Variants in MSRA observed in about 807,000 individuals in gnomAD.
MSRA encodes mitochondrial peptide methionine sulfoxide reductase.
Under a neutral mutation model 31.3 loss-of-function variants are expected in MSRA, and 54 were observed. That is an observed-to-expected ratio of 1.73 (90% CI 1.39 to 2.17). The LOEUF (loss-of-function observed/expected upper bound fraction) is 2.17. Among genes scored for constraint, MSRA ranks in the 30% most tolerant of loss-of-function variants. The pLI, the probability that MSRA is intolerant of heterozygous loss-of-function variation, is 0.00. For missense variants in MSRA, 507 were observed against 300.9 expected, an observed-to-expected ratio of 1.69 and a Z score of -5.07; for synonymous variants, 169 against 116.5, an observed-to-expected ratio of 1.45 and a Z score of -2.90.
chr8:10,160,124 C>T (rs973628174), intron 1 of MSRA, among the ~76,000 whole-genome samples: 5 of 152,112 alleles, frequency 3.3e-5, no homozygotes, highest in Admixed American at 6.5e-5. Context: ...AAATTTCCCT[C>T]GGGCCACTTA....
chr8:10,354,271 A>C (rs891493137), intron 5 of MSRA, among the ~76,000 whole-genome samples: 1 of 152,192 alleles, frequency 6.6e-6, no homozygotes, highest in Non-Finnish European at 1.5e-5. Context: ...GTTGAATTAC[A>C]ATGCATCTGC....
rs528753270 is a variant in MSRA, at chr8:10,155,002, T to TTATATATATATATA, written c.143-52819_143-52818insTATATATATATATA. On this transcript the variant is annotated intron_variant, in intron 1 of 5. Transcript: ENST00000317173. ...AATAGTTTGATAATGTGTATATATT[T>TTATATATATATATA]TATATATATATAGGTTTTACCTTGC... is the stretch of plus-strand genomic sequence containing the variant. Among the ~76,000 whole-genome samples the TTATATATATATATA allele has an allele frequency of 6.5e-5, 8 of 123,984 alleles. 1 individual carries two copies. The highest frequency in any genetic ancestry group is 2.6e-4 in the African/African-American group (8 of 30,958). 81.3% of individuals were successfully genotyped at this position (123,984 alleles called of 152,430 possible).
intron 5 of MSRA, among the ~76,000 whole-genome samples, chr8:10,351,317 G>T (rs1804132226): frequency 7.6e-6 from 1 of 132,090 alleles, no homozygotes; most frequent in South Asian, 2.5e-4. Flanking sequence ...GCAGTGGCGT[G>T]ATCTTGGCTC....
At chr8:10,334,372 C>A (rs1802894589) in intron 5 of MSRA, among the ~76,000 whole-genome samples, 1 of 152,052 alleles carries the variant, frequency 6.6e-6, no homozygotes, top group Non-Finnish European at 1.5e-5. Context: ...GATGGATAAG[C>A]CTGGCCCTGG....
intron 1 of MSRA, among the ~76,000 whole-genome samples, chr8:10,198,602 G>T (rs369588235): frequency 6.6e-6 from 1 of 152,130 alleles, no homozygotes; most frequent in Non-Finnish European, 1.5e-5. Flanking sequence ...TAGGTCGAAG[G>T]GTGGAAATGC....
chr8:10,207,750 G>A, intron 1 of MSRA, 83 bp from the exon 2 acceptor site: 3 of 1,249,300 alleles, frequency 2.4e-6, no homozygotes, highest in South Asian at 1.4e-5. Flanking sequence ...GGAGAAATAG[G>A]CTCATTGACA....
chr8:10,113,545 T>C (rs1800455822), intron 1 of MSRA, among the ~76,000 whole-genome samples: 1 of 151,618 alleles, frequency 6.6e-6, no homozygotes, highest in South Asian at 2.1e-4. Flanking sequence ...AATGATGCTG[T>C]TGTTGACAGT....
chr8:10,341,040 C>A lies in MSRA; in HGVS notation c.543+21051C>A, dbSNP rs148575934. Among the ~76,000 whole-genome samples, 43 of 152,298 alleles carry A rather than the reference C, an allele frequency of 2.8e-4. 1 individual carries two copies. In the East Asian group the frequency reaches 7.7e-3, roughly 27 times the overall value. On this transcript the variant is annotated intron_variant, in intron 5 of 5. Coordinates refer to ENST00000317173, the MANE Select transcript of MSRA (RefSeq NM_012331.5). ...ATTTAGATGCCAAGTGAGAGGTTGA[C>A]TATTTGTAGGGCTCTGTGGATTCCA...
rs17151867 is a variant in MSRA, at chr8:10,382,595, C to T, written c.544-45553C>T. The stretch of plus-strand genomic sequence containing the variant: ...AGGTGGTGCCAGGAGAGGGCTTTGC[C>T]AAGGCATCTCATGAAAACCTGGCCA... On this transcript the variant is annotated intron_variant, in intron 5 of 5. Transcript: ENST00000317173. Among the ~76,000 whole-genome samples, 1,352 of 152,288 alleles carry T rather than the reference C, an allele frequency of 8.9e-3. 22 individuals carry two copies. Among genetic ancestry groups the T allele is most frequent in the African/African-American group, 0.031 (1,286 of 41,558 alleles).
intron 1 of MSRA, among the ~76,000 whole-genome samples, chr8:10,176,783 G>A (rs1024697317): frequency 6.6e-6 from 1 of 152,188 alleles, no homozygotes; most frequent in African/African-American, 2.4e-5. Context: ...GCAGAACCTA[G>A]TCCCCACCCA....
chr8:10,069,698 C>G (rs903807686), intron 1 of MSRA, among the ~76,000 whole-genome samples: 2 of 152,198 alleles, frequency 1.3e-5, no homozygotes, highest in Admixed American at 6.5e-5. Flanking sequence ...GATGAGCCCT[C>G]ATGACCTAAT....
intron 5 of MSRA, among the ~76,000 whole-genome samples, chr8:10,359,069 G>A (rs1804686842): frequency 6.6e-6 from 1 of 152,196 alleles, no homozygotes; most frequent in African/African-American, 2.4e-5. Flanking sequence ...ATTGTCCATG[G>A]ATTGATAGTG....
intron 1 of MSRA, among the ~76,000 whole-genome samples, chr8:10,071,360 C>A (rs1043650268): frequency 2.0e-5 from 3 of 151,784 alleles, no homozygotes; most frequent in Non-Finnish European, 4.4e-5. Flanking sequence ...TTGCTTTACT[C>A]TTCAGCGGAG....
chr8:10,379,549 C>T (rs916572328), intron 5 of MSRA, among the ~76,000 whole-genome samples: 1 of 152,192 alleles, frequency 6.6e-6, no homozygotes, highest in Non-Finnish European at 1.5e-5. Flanking sequence ...GAAGGCCAGT[C>T]CTTCCTCTCA....
intron 5 of MSRA, among the ~76,000 whole-genome samples, chr8:10,381,705 G>A (rs1007566485): frequency 6.6e-6 from 1 of 152,232 alleles, no homozygotes; most frequent in Non-Finnish European, 1.5e-5. Context: ...GCCCCATAAT[G>A]TCAGGGGTAA....
intron 1 of MSRA, among the ~76,000 whole-genome samples, chr8:10,141,874 A>G (rs575191897): frequency 6.6e-6 from 1 of 152,352 alleles, no homozygotes; most frequent in African/African-American, 2.4e-5. Flanking sequence ...CCTAGCTGGT[A>G]GTAGGCACTC....
intron 2 of MSRA, among the ~76,000 whole-genome samples, chr8:10,228,461 C>T (rs181234339): frequency 2.6e-5 from 4 of 152,242 alleles, no homozygotes; most frequent in East Asian, 3.9e-4. Flanking sequence ...CCGAGATCCA[C>T]GTGAACTGCA....
At chr8:10,316,485 G>A (rs993186031) in intron 4 of MSRA, among the ~76,000 whole-genome samples, 11 of 149,070 alleles carry the variant, frequency 7.4e-5, no homozygotes, top group Non-Finnish European at 1.2e-4. Context: ...ACAGTGCCTG[G>A]ACATAGTGAG....
chr8:10,363,819 C>A (rs1256669670), intron 5 of MSRA, among the ~76,000 whole-genome samples: 1 of 141,880 alleles, frequency 7.0e-6, no homozygotes, highest in Non-Finnish European at 1.5e-5. Flanking sequence ...GTAGTCCCAG[C>A]TACTCAGGAG....
Sources: allele counts gnomAD v4.1 joint callset (sites outside exome capture counted in the v4.1 genomes callset), GRCh38; gene constraint gnomAD v4.1.1; transcripts MANE v1.5; gene names NCBI Gene and HGNC (gene_info 2026-07-23, HGNC 2026-07-21).